CHRM2: variants seen among roughly 807,000 people sequenced by gnomAD.
CHRM2 encodes the protein cholinergic receptor muscarinic 2.
CHRM2 carries 8 observed loss-of-function variants against 25.0 expected under a neutral mutation model. The ratio of observed to expected loss-of-function variants is 0.32; its 90% CI spans 0.19 to 0.58. The LOEUF is 0.58. CHRM2 is among the 20% of genes least tolerant of loss of function. The probability of loss-of-function intolerance (pLI) is 0.88; values close to 1 mark genes in which losing one functional copy is unlikely to be tolerated. For missense variants in CHRM2, 440 were observed against 567.1 expected (o/e 0.78, Z 2.28); for synonymous variants, 202 against 205.7 (o/e 0.98, Z 0.15).
At chr7:136,887,649 T>C (rs1796519050) in intron 2 of CHRM2, among the ~76,000 whole-genome samples, 1 of 152,150 alleles carries the variant, frequency 6.6e-6, no homozygotes, top group African/African-American at 2.4e-5. Context: ...AGATAATTCA[T>C]TGTGAAACTC....
intron 2 of CHRM2, among the ~76,000 whole-genome samples, chr7:136,940,379 T>C (rs1799698770): frequency 6.6e-6 from 1 of 152,194 alleles, no homozygotes; most frequent in Non-Finnish European, 1.5e-5. Context: ...ACTCTGGAAT[T>C]TGCTTGCCTG....
chr7:136,949,459 T>TAAAAAAAAAAAAAAAAAAAAAAAAAAA (rs386411435), intron 2 of CHRM2, among the ~76,000 whole-genome samples: 2 of 120,852 alleles, frequency 1.7e-5, no homozygotes, highest in African/African-American at 6.6e-5. Context: ...TCTGCAAAAC[T>TAAAAAAAAAAAAAAAAAAAAAAAAAAA]AAAAAAAAAA....
chr7:136,990,820 C>T (rs1271079920), intron 2 of CHRM2, among the ~76,000 whole-genome samples: 2 of 152,074 alleles, frequency 1.3e-5, no homozygotes, highest in Non-Finnish European at 2.9e-5. Context: ...AGTGGCTGTG[C>T]CATTTTTCAA....
chr7:137,012,004 T>A (rs1804857064), intron 3 of CHRM2, among the ~76,000 whole-genome samples: 1 of 152,072 alleles, frequency 6.6e-6, no homozygotes, highest in East Asian at 1.9e-4. Flanking sequence ...TCAACATCAG[T>A]GTTATTCATT....
At chr7:136,871,875 G>A (rs949906871) in intron 2 of CHRM2, 5 of 152,172 alleles carry the variant, frequency 3.3e-5, no homozygotes, top group Non-Finnish European at 5.9e-5. Context: ...GGACTCAGAA[G>A]TAACAAATTA....
intron 2 of CHRM2, among the ~76,000 whole-genome samples, chr7:136,942,294 CCA>C (rs2130821017): frequency 6.6e-6 from 1 of 152,242 alleles, no homozygotes; most frequent in Non-Finnish European, 1.5e-5. Flanking sequence ...GTCAAGCAAA[CCA>C]CAGCAAATGT....
intron 2 of CHRM2, among the ~76,000 whole-genome samples, chr7:136,879,588 T>G (rs1290455464): frequency 2.0e-5 from 3 of 151,942 alleles, no homozygotes; most frequent in African/African-American, 7.2e-5. Context: ...CCATCAATAT[T>G]TTTACATACT....
intron 2 of CHRM2, among the ~76,000 whole-genome samples, chr7:136,952,347 ATTC>A (rs1450474322): frequency 1.3e-5 from 2 of 152,138 alleles, no homozygotes; most frequent in African/African-American, 2.4e-5. Context: ...TTCTTCTATT[ATTC>A]TTCTAATTGC....
chr7:136,905,652 A>G (rs1423819363), intron 2 of CHRM2, among the ~76,000 whole-genome samples: 1 of 151,494 alleles, frequency 6.6e-6, no homozygotes, highest in African/African-American at 2.4e-5. Context: ...ATCCCCTTTA[A>G]GTATTTTATA....
Position 136,903,201 on chromosome 7 carries a change from G to A in CHRM2, c.-125+33783G>A, listed in dbSNP as rs902318414. 1.1e-5 allele frequency: 6 copies of A among 534,248 alleles called. No homozygotes were observed. The East Asian group carries it at 2.2e-4, about 19-fold the overall frequency. The allele number at this position is 534,248 out of a possible 1,614,324, so 33.1% of individuals were successfully genotyped here. ...TGCTGGTTTGGAAAGTTCATTGTTC[G>A]ACACCATGGATCTCCAGGTGGGTCA... On this transcript the variant is annotated intron_variant, in intron 2 of 3. Transcript: ENST00000680005.
Position 137,015,454 on chromosome 7 carries a change from T to C in CHRM2, c.589T>C (p.Leu197=). ...TGGTACGGCTATTGCAGCCTTCTATTTGCCAGTGATCATCATGACTGTGCT... is the reference window on the plus strand; with the variant it reads ...TGGTACGGCTATTGCAGCCTTCTATCTGCCAGTGATCATCATGACTGTGCT... ...TFGTAIAAFY[L]PVIIMTVLYW... The change falls in exon 4 of 4, where the codon TTG becomes CTG. Residue 197 remains leucine, a synonymous_variant. Coordinates refer to ENST00000680005, the MANE Select transcript of CHRM2 (RefSeq NM_001006630.2). The surrounding 1 kb of genome is among the most constrained non-coding windows in gnomAD (Gnocchi z 5.1). 1 of 1,613,334 alleles carries C rather than the reference T, an allele frequency of 6.2e-7. No individual in the cohort carries two copies. Among genetic ancestry groups the C allele is most frequent in the Non-Finnish European group, 8.5e-7 (1 of 1,179,608 alleles).
At chr7:137,003,274 A>G (rs1186675654) in intron 3 of CHRM2, among the ~76,000 whole-genome samples, 2 of 152,176 alleles carry the variant, frequency 1.3e-5, no homozygotes, top group East Asian at 1.9e-4. Context: ...TCAAGCTTCC[A>G]TAATTGCTTA....
intron 2 of CHRM2, among the ~76,000 whole-genome samples, chr7:136,920,898 C>G (rs1051279948): frequency 4.6e-5 from 7 of 152,028 alleles, no homozygotes; most frequent in Non-Finnish European, 1.0e-4. Flanking sequence ...CCCAAGGAGA[C>G]GTGTGAGAGG....
intron 2 of CHRM2, among the ~76,000 whole-genome samples, chr7:136,976,614 G>C (rs758683206): frequency 9.9e-5 from 15 of 152,254 alleles, no homozygotes; most frequent in Middle Eastern, 3.4e-3. Context: ...ACAAAATAAA[G>C]GGAAAACCTG....
intron 2 of CHRM2, among the ~76,000 whole-genome samples, chr7:136,915,400 T>C (rs933665704): frequency 1.3e-5 from 2 of 151,946 alleles, no homozygotes; most frequent in Non-Finnish European, 2.9e-5. Flanking sequence ...CCTGAGACTA[T>C]AATGAATCAT....
rs1798892569 is a variant in CHRM2, at chr7:136,928,825, T to C, written c.-125+59407T>C. The stretch of plus-strand genomic sequence containing the variant: ...AAGTGTTAGGTTGGTGCAAAACTAA[T>C]TGAGGTTTTGGCCACTATTTAATCT... On this transcript the variant is annotated intron_variant, in intron 2 of 3. Coordinates refer to ENST00000680005, the MANE Select transcript of CHRM2 (RefSeq NM_001006630.2). 2.0e-5 allele frequency among the ~76,000 whole-genome samples: 3 copies of C among 152,170 alleles called. No individual in the cohort carries two copies. In the South Asian group the frequency reaches 6.2e-4, roughly 32 times the overall value.
intron 2 of CHRM2, among the ~76,000 whole-genome samples, chr7:136,977,496 A>C (rs1489936367): frequency 2.0e-5 from 3 of 152,238 alleles, no homozygotes; most frequent in African/African-American, 7.2e-5. Context: ...GAAATGAATA[A>C]GTTGCAAGTG....
chr7:137,016,359 C>T lies in CHRM2; in HGVS notation c.*93C>T. The T allele has an allele frequency of 8.0e-7, 1 of 1,255,954 alleles. No individual in the cohort carries two copies. The highest frequency in any genetic ancestry group is 1.2e-6 in the Non-Finnish European group (1 of 867,268). 77.8% of individuals were successfully genotyped at this position (1,255,954 alleles called of 1,614,324 possible). On this transcript the variant is annotated 3_prime_UTR_variant, in exon 4 of 4. Transcript: ENST00000680005. ...CCTAGTTTTAAAATCTCTGCCATTG[C>T]ACTTTATAGTCTGATTACAAAACGT...
At chr7:136,900,982 C>A (rs866089257) in intron 2 of CHRM2, among the ~76,000 whole-genome samples, 1 of 152,002 alleles carries the variant, frequency 6.6e-6, no homozygotes, top group Non-Finnish European at 1.5e-5. Context: ...TGGATATATT[C>A]TTATTTATAA....
Sources: gnomAD v4.1 joint callset for allele counts (sites outside exome capture counted in the v4.1 genomes callset) on GRCh38, gnomAD v4.1.1 for gene constraint, Gnocchi (gnomAD v3.1) non-coding constraint, MANE v1.5 for transcripts, NCBI Gene and HGNC (gene_info 2026-07-23, HGNC 2026-07-21) for gene names.